The following CEP112 variants were observed in gnomAD, a reference collection of about 807,000 sequenced individuals.
CEP112 encodes centrosomal protein of 112 kDa.
CEP112 carries 127 observed loss-of-function variants against 153.0 expected under a neutral mutation model. That is an observed-to-expected ratio of 0.83 (90% confidence interval 0.72 to 0.96). The LOEUF (loss-of-function observed/expected upper bound fraction) is 0.96, where lower values mean the gene tolerates loss of function less well. CEP112 is among the 40% of genes least tolerant of loss of function. CEP112 has a pLI of 0.00. For synonymous variants in CEP112, 358 were observed against 374.4 expected (o/e 0.96, Z 0.51); for missense variants, 1,089 against 1,101.2 (o/e 0.99, Z 0.16).
Position 65,743,194 on chromosome 17 carries a change from G to T in CEP112, c.2481C>A (p.Thr827=), listed in dbSNP as rs753644304. The part of the protein sequence containing the change: ...SSQIIAELQT[T]ISSLKEENSQ... ...TGTTCTCTTCTTTCAGAGAGGAAAT[G>T]GTTGTCTGAAGTTCTGCTATGATCT... Residue 827 remains threonine, a synonymous_variant, in exon 23 of 27, where the codon ACC becomes ACA. Coordinates refer to ENST00000535342, the MANE Select transcript of CEP112 (RefSeq NM_001199165.4). 1.2e-6 allele frequency: 2 copies of T among 1,610,872 alleles called. No individual in the cohort carries two copies. Among genetic ancestry groups the T allele is most frequent in the Admixed American group, 1.7e-5 (1 of 59,706 alleles).
intron 6 of CEP112, among the ~76,000 whole-genome samples, chr17:66,114,492 C>A (rs879635631): frequency 6.6e-6 from 1 of 152,108 alleles, no homozygotes; most frequent in Non-Finnish European, 1.5e-5. Flanking sequence ...CAATATATTA[C>A]CAGTAACACA....
chr17:65,726,206 G>T (rs1323171270), intron 23 of CEP112, among the ~76,000 whole-genome samples: 1 of 152,072 alleles, frequency 6.6e-6, no homozygotes, highest in Non-Finnish European at 1.5e-5. Context: ...GGGTGTGGTG[G>T]TGGGTGCCTG....
chr17:66,090,610 G>C (rs2068096411), intron 8 of CEP112, among the ~76,000 whole-genome samples: 1 of 151,876 alleles, frequency 6.6e-6, no homozygotes, highest in African/African-American at 2.4e-5. Flanking sequence ...AAATCACAAA[G>C]AAAGATAACA....
Position 65,961,591 on chromosome 17 carries a change from CT to C in CEP112, c.1743del (p.Glu582ArgfsTer4). ...IHKFEEALKE[K>X]EEQLTRVTEV... ...TCAGTCACACGAGTTAGCTGCTCCT[CT>C]TTTTCCCTAGAAAGGTTCAGAGAAG... On this transcript the variant is annotated frameshift_variant, in exon 18 of 27. Transcript: ENST00000535342. LOFTEE classifies it high-confidence loss of function. 1.9e-6 allele frequency: 3 copies of C among 1,610,848 alleles called. No individual in the cohort carries two copies. The highest frequency in any genetic ancestry group is 2.2e-5 in the East Asian group (1 of 44,808).
At position 65,827,596 on chromosome 17, in the gene CEP112, A is replaced by G. The variant is rs572749847; in HGVS notation, c.2394+24208T>C. ...AATGATCTTTTAAAGCCTAAGTCAG[A>G]TCATGTCCCTTCATGGCATAATACC... On this transcript the variant is annotated intron_variant, in intron 21 of 26. Transcript: ENST00000535342. Among the ~76,000 whole-genome samples the G allele has an allele frequency of 3.9e-5, 6 of 152,250 alleles. No homozygotes were observed. The South Asian group carries it at 1.2e-3, about 32-fold the overall frequency.
At position 65,834,785 on chromosome 17, in the gene CEP112, T is replaced by C. The variant is rs534851446; in HGVS notation, c.2394+17019A>G. On this transcript the variant is annotated intron_variant, in intron 21 of 26. Coordinates refer to ENST00000535342, the MANE Select transcript of CEP112 (RefSeq NM_001199165.4). Reference sequence around the variant, plus strand: ...AGTTCAACCATTGTGGAAGGCAGTATGGCCATTCCTCAAAGAGTTGAAAAC... The same window carrying C: ...AGTTCAACCATTGTGGAAGGCAGTACGGCCATTCCTCAAAGAGTTGAAAAC... Among the ~76,000 whole-genome samples, 4 of 152,282 alleles carry C rather than the reference T, an allele frequency of 2.6e-5. No individual in the cohort carries two copies. The East Asian group carries it at 7.7e-4, about 29-fold the overall frequency.
intron 4 of CEP112, among the ~76,000 whole-genome samples, chr17:66,134,891 A>G (rs1221624690): frequency 1.3e-5 from 2 of 152,196 alleles, no homozygotes; most frequent in African/African-American, 4.8e-5. Flanking sequence ...CTCCTTCACA[A>G]TAACCTTCAC....
At position 65,927,578 on chromosome 17, in the gene CEP112, C is replaced by A. The variant is rs201254333; in HGVS notation, c.1980+4G>T. On this transcript the variant is annotated splice_donor_region_variant and intron_variant, in intron 19 of 26. Coordinates refer to ENST00000535342, the MANE Select transcript of CEP112 (RefSeq NM_001199165.4). Reference sequence around the variant, plus strand: ...TAATGGCAGCATCAAAATGAAAGACCAACCTGTTGTTCATACCGCTGTCTG... The same window carrying A: ...TAATGGCAGCATCAAAATGAAAGACAAACCTGTTGTTCATACCGCTGTCTG... The A allele has an allele frequency of 6.5e-6, 10 of 1,544,690 alleles. No individual in the cohort carries two copies. The East Asian group carries it at 1.6e-4, about 25-fold the overall frequency.
At chr17:65,768,083 T>C (rs1308753077) in intron 21 of CEP112, among the ~76,000 whole-genome samples, 2 of 152,084 alleles carry the variant, frequency 1.3e-5, no homozygotes, top group Admixed American at 6.6e-5. Context: ...CATGTAACAT[T>C]TGACTACCCC....
chr17:66,067,943 A>T (rs2067183224), intron 9 of CEP112, among the ~76,000 whole-genome samples: 2 of 152,258 alleles, frequency 1.3e-5, no homozygotes, highest in South Asian at 4.1e-4. Context: ...GTGCACAGTA[A>T]AAGAATTCCC....
At chr17:66,103,514 A>T (rs533334688) in intron 6 of CEP112, among the ~76,000 whole-genome samples, 1 of 152,362 alleles carries the variant, frequency 6.6e-6, no homozygotes, top group South Asian at 2.1e-4. Flanking sequence ...AGAGTTTGGC[A>T]AAGTTGCCAG....
intron 8 of CEP112, among the ~76,000 whole-genome samples, chr17:66,089,692 G>A (rs757645711): frequency 7.9e-5 from 12 of 152,014 alleles, no homozygotes; most frequent in Admixed American, 6.6e-5. Flanking sequence ...TATGGGACAG[G>A]ATCAAAAGAG....
chr17:65,987,541 G>A (rs2063452324), intron 17 of CEP112, among the ~76,000 whole-genome samples: 1 of 152,084 alleles, frequency 6.6e-6, no homozygotes, highest in African/African-American at 2.4e-5. Flanking sequence ...CTGTATCCTA[G>A]CACAAACAGA....
At chr17:66,177,051 T>TG in intron 2 of CEP112, 31 bp from the exon 3 acceptor site, 1 of 1,543,390 alleles carries the variant, frequency 6.5e-7, no homozygotes, top group Non-Finnish European at 8.7e-7. Flanking sequence ...TTAGAAATTT[T>TG]ATTTTTTATA....
intron 17 of CEP112, among the ~76,000 whole-genome samples, chr17:65,979,504 C>G (rs1248286357): frequency 6.6e-6 from 1 of 152,126 alleles, no homozygotes; most frequent in Non-Finnish European, 1.5e-5. Context: ...CTTCCCAAAG[C>G]TCTGAGATGA....
chr17:65,831,780 T>C (rs1390223041), intron 21 of CEP112, among the ~76,000 whole-genome samples: 1 of 152,080 alleles, frequency 6.6e-6, no homozygotes, highest in Non-Finnish European at 1.5e-5. Context: ...AGGAAAGAAT[T>C]AGTGAGCCTA....
At chr17:66,050,666 C>T (rs1199696167) in intron 12 of CEP112, among the ~76,000 whole-genome samples, 6 of 152,100 alleles carry the variant, frequency 3.9e-5, no homozygotes, top group Admixed American at 2.0e-4. Flanking sequence ...CATCTAGCTG[C>T]CTCTTAAATA....
intron 4 of CEP112, among the ~76,000 whole-genome samples, chr17:66,167,431 G>A (rs1432150713): frequency 2.1e-5 from 3 of 145,012 alleles, no homozygotes; most frequent in Non-Finnish European, 3.0e-5. Context: ...TACTAACCCC[G>A]AAGTTAGTAC....
At chr17:65,799,926 GA>G (rs1461235386) in intron 21 of CEP112, among the ~76,000 whole-genome samples, 12 of 152,030 alleles carry the variant, frequency 7.9e-5, no homozygotes, top group Non-Finnish European at 1.6e-4. Flanking sequence ...AGTACATCTA[GA>G]AAAAATGCAA....
Sources: gnomAD v4.1 joint callset for allele counts (sites outside exome capture counted in the v4.1 genomes callset) on GRCh38, gnomAD v4.1.1 for gene constraint, MANE v1.5 for transcripts, NCBI Gene and HGNC (gene_info 2026-07-23, HGNC 2026-07-21) for gene names.